Variants in BCL2L13 observed in about 807,000 individuals in gnomAD.
BCL2L13 encodes BCL2 like 13, also known as bcl-2-like protein 13.
Under a neutral mutation model 25.8 loss-of-function variants are expected in BCL2L13, and 13 were observed. The observed-to-expected ratio is 0.50, with a 90% CI of 0.33 to 0.80. The LOEUF (loss-of-function observed/expected upper bound fraction) is 0.80, where lower values mean the gene tolerates loss of function less well. BCL2L13 is among the 30% of genes least tolerant of loss of function. BCL2L13 has a pLI of 0.02. For synonymous variants in BCL2L13, 244 were observed against 230.3 expected (o/e 1.06, Z -0.54); for missense variants, 504 against 574.9 (o/e 0.88, Z 1.26).
rs1335053444 is a variant in BCL2L13 at position 17,693,368 on chromosome 22, G to GTTTTT, written c.387-2770_387-2769insTTTTT. 3.3e-4 allele frequency among the ~76,000 whole-genome samples: 37 copies of GTTTTT among 112,226 alleles called. 4 individuals carry two copies. The highest frequency in any genetic ancestry group is 1.3e-3 in the African/African-American group (33 of 25,594). 73.6% of individuals were successfully genotyped at this position (112,226 alleles called of 152,430 possible). ...TTATTTATTTATTTATTTATTTAGT[G>GTTTTT]TTTGTTTTTTTTTTTTTTTTTTTTT... On this transcript the variant is annotated intron_variant, in intron 4 of 6. Transcript: ENST00000317582.
chr22:17,689,073 A>G lies in BCL2L13; in HGVS notation c.317A>G (p.His106Arg). ...AGCTCAATGGAAGACTGCTTGGCCC[A>G]TCTTGGAGAAAAAGTGTCCCAGGAA... The part of the protein sequence containing the change: ...PESSMEDCLA[H>R]LGEKVSQELK... The change falls in exon 4 of 7, where the codon CAT (histidine) becomes CGT (arginine). Residue 106 changes from histidine (H) to arginine (R), a missense_variant. Physicochemically the swap from His to Arg is conservative, Grantham distance 29. Transcript: ENST00000317582. 4 of 1,614,182 alleles carry G rather than the reference A, an allele frequency of 2.5e-6. No homozygotes were observed. The Admixed American group carries it at 6.7e-5, about 27-fold the overall frequency.
At chr22:17,661,461 T>G (rs2059064063) in intron 2 of BCL2L13, among the ~76,000 whole-genome samples, 1 of 146,046 alleles carries the variant, frequency 6.8e-6, no homozygotes, top group South Asian at 2.1e-4. Flanking sequence ...CTTTTTATAA[T>G]AAAATTTCTC....
chr22:17,668,156 G>A (rs5992783), intron 2 of BCL2L13, among the ~76,000 whole-genome samples: 5 of 149,980 alleles, frequency 3.3e-5, no homozygotes, highest in Admixed American at 3.3e-4. Flanking sequence ...GATTACAGGC[G>A]CACACCACGA....
chr22:17,646,956 T>TATATA (rs1491502012), intron 1 of BCL2L13, among the ~76,000 whole-genome samples: 13 of 14,402 alleles, frequency 9.0e-4, no homozygotes, highest in Middle Eastern at 0.036. Flanking sequence ...TATATATATA[T>TATATA]TTTTTTTTTT....
chr22:17,677,550 G>A (rs1474404056), intron 2 of BCL2L13, among the ~76,000 whole-genome samples: 1 of 152,150 alleles, frequency 6.6e-6, no homozygotes, highest in Non-Finnish European at 1.5e-5. Context: ...TGGCCAACAA[G>A]GCAAAACTTT....
intron 1 of BCL2L13, among the ~76,000 whole-genome samples, chr22:17,649,803 G>T (rs1020571877): frequency 5.9e-5 from 9 of 151,266 alleles, no homozygotes; most frequent in Non-Finnish European, 1.3e-4. Context: ...GTGCCTGGCC[G>T]CTGAAGAGAC....
chr22:17,721,095 G>A (rs2587096), intron 6 of BCL2L13, among the ~76,000 whole-genome samples: 21,081 of 151,838 alleles, frequency 0.14, 2,015 homozygotes, highest in Non-Finnish European at 0.21. Context: ...GCATGAACCC[G>A]GGAGGTGGAG....
At chr22:17,667,533 G>A (rs974579030) in intron 2 of BCL2L13, among the ~76,000 whole-genome samples, 2 of 151,108 alleles carry the variant, frequency 1.3e-5, no homozygotes, top group African/African-American at 4.9e-5. Context: ...TTTTGAGACA[G>A]AGTCTATCTC....
At chr22:17,689,711 C>T (rs1016219616) in intron 4 of BCL2L13, among the ~76,000 whole-genome samples, 3 of 151,770 alleles carry the variant, frequency 2.0e-5, no homozygotes, top group South Asian at 2.1e-4. Context: ...GGCATGGTGG[C>T]GCATGCCTCT....
chr22:17,711,290 T>G (rs1601754886), intron 6 of BCL2L13, among the ~76,000 whole-genome samples: 1 of 147,674 alleles, frequency 6.8e-6, no homozygotes, highest in East Asian at 2.0e-4. Context: ...TTCCCTTATT[T>G]CTTCATGATG....
intron 2 of BCL2L13, among the ~76,000 whole-genome samples, chr22:17,673,712 C>T (rs541031990): frequency 1.3e-4 from 20 of 152,138 alleles, no homozygotes; most frequent in Middle Eastern, 3.4e-3. Context: ...GAGCTGTCCT[C>T]AAAATATACT....
intron 2 of BCL2L13, among the ~76,000 whole-genome samples, chr22:17,674,247 G>A (rs2059506369): frequency 6.6e-6 from 1 of 152,178 alleles, no homozygotes; most frequent in South Asian, 2.1e-4. Context: ...GAATTATCAG[G>A]AAACAGAAGG....
At chr22:17,640,777 C>T (rs2058247834) in intron 1 of BCL2L13, among the ~76,000 whole-genome samples, 1 of 151,728 alleles carries the variant, frequency 6.6e-6, no homozygotes, top group Non-Finnish European at 1.5e-5. Context: ...CTGCTTGAGC[C>T]CGGGAGATCA....
chr22:17,698,725 T>G lies in BCL2L13; in HGVS notation c.456+2515T>G, dbSNP rs139986947. On this transcript the variant is annotated intron_variant, in intron 5 of 6. Transcript: ENST00000317582. ...GCCTGGGCAACAGAGCCAGACTGTCTCAGAAAAAAAAGAAAAGAAAGCCCA... is the reference window on the plus strand; with the variant it reads ...GCCTGGGCAACAGAGCCAGACTGTCGCAGAAAAAAAAGAAAAGAAAGCCCA... Among the ~76,000 whole-genome samples the G allele has an allele frequency of 3.0e-4, 46 of 151,988 alleles. No homozygotes were observed. In the East Asian group the frequency reaches 9.0e-3, roughly 30 times the overall value.
chr22:17,684,356 T>C (rs2059845417), intron 3 of BCL2L13, among the ~76,000 whole-genome samples: 3 of 152,144 alleles, frequency 2.0e-5, no homozygotes, highest in Admixed American at 2.0e-4. Flanking sequence ...GGTTGTAGTG[T>C]ATTCACAGAA....
At chr22:17,726,386 ATTTCAGATTTCAGGT>A (rs2061298828) in intron 6 of BCL2L13, among the ~76,000 whole-genome samples, 1 of 150,546 alleles carries the variant, frequency 6.6e-6, no homozygotes, top group African/African-American at 2.4e-5. Context: ...ATTTTGGATC[ATTTCAGATTTCAGGT>A]TTTCAGATTA....
intron 3 of BCL2L13, among the ~76,000 whole-genome samples, chr22:17,685,736 ATT>A (rs1196342546): frequency 1.1e-5 from 1 of 93,946 alleles, no homozygotes; most frequent in Non-Finnish European, 2.2e-5. Context: ...GTGGACATAT[ATT>A]GCCCAATAAT....
At position 17,683,224 on chromosome 22, in the gene BCL2L13, A is replaced by G; in HGVS notation, c.132A>G (p.Leu44=). The G allele has an allele frequency of 6.4e-7, 1 of 1,555,298 alleles. No individual in the cohort carries two copies. The highest frequency in any genetic ancestry group is 8.8e-7 in the Non-Finnish European group (1 of 1,132,584). Residue 44 remains leucine, a synonymous_variant, in exon 3 of 7, where the codon CTA becomes CTG. Coordinates refer to ENST00000317582, the MANE Select transcript of BCL2L13 (RefSeq NM_015367.4). ...TTTTGTTGCTTTCAGGGGTTCAACT[A>G]GATATAGCTTCACAATCTCTGGATC... ...QHLSSPQGVQ[L]DIASQSLDQE...
intron 6 of BCL2L13, among the ~76,000 whole-genome samples, chr22:17,720,545 A>G (rs1299216745): frequency 2.6e-5 from 4 of 151,688 alleles, no homozygotes. Flanking sequence ...TTTTACATGT[A>G]GTAGAGATGG....
Sources: gnomAD v4.1 joint callset for allele counts (sites outside exome capture counted in the v4.1 genomes callset) on GRCh38, gnomAD v4.1.1 for gene constraint, MANE v1.5 for transcripts, NCBI Gene and HGNC (gene_info 2026-07-23, HGNC 2026-07-21) for gene names.